The following KCTD1 variants were observed in gnomAD, a reference collection of about 807,000 sequenced individuals.
KCTD1 encodes potassium channel tetramerization domain containing 1.
A neutral mutation model predicts 66.0 loss-of-function variants in KCTD1; 24 were observed. The observed-to-expected ratio is 0.36, with a 90% CI of 0.26 to 0.51. KCTD1 has a LOEUF of 0.51. KCTD1 is among the 20% of genes least tolerant of loss of function. The pLI is 0.95. For missense variants in KCTD1, 943 were observed against 1,205.2 expected (o/e 0.78, Z 3.22); for synonymous variants, 511 against 517.2 (o/e 0.99, Z 0.16).
chr18:26,534,862 C>A (rs778381968), intron 1 of KCTD1, among the ~76,000 whole-genome samples: 7 of 152,120 alleles, frequency 4.6e-5, no homozygotes, highest in Non-Finnish European at 1.0e-4. Flanking sequence ...ACTTACTTCT[C>A]CTATACTTTT....
chr18:26,532,274 T>C (rs113623285), intron 1 of KCTD1, among the ~76,000 whole-genome samples: 51,516 of 138,896 alleles, frequency 0.37, 10,570 homozygotes, highest in East Asian at 0.58. Flanking sequence ...TTTTTTTTTT[T>C]TTTTTTTTTT....
chr18:26,539,192 T>A (rs1379606720), intron 1 of KCTD1, among the ~76,000 whole-genome samples: 1 of 152,244 alleles, frequency 6.6e-6, no homozygotes, highest in Non-Finnish European at 1.5e-5. Context: ...AATCCCAGCA[T>A]AGTTACTTAC....
chr18:26,642,042 T>A (rs750685547), upstream of KCTD1, among the ~76,000 whole-genome samples: 2 of 152,216 alleles, frequency 1.3e-5, no homozygotes, highest in African/African-American at 2.4e-5. Context: ...TAGATGTTGC[T>A]CTATTTAATC....
At chr18:26,631,368 T>C (rs1253105073), upstream of KCTD1, among the ~76,000 whole-genome samples, 1 of 152,238 alleles carries the variant, frequency 6.6e-6, no homozygotes, top group African/African-American at 2.4e-5. Context: ...GGCTATATGG[T>C]ATAGCCTATT....
intron 1 of KCTD1, among the ~76,000 whole-genome samples, chr18:26,572,788 T>C (rs899019701): frequency 6.6e-6 from 1 of 152,192 alleles, no homozygotes; most frequent in Non-Finnish European, 1.5e-5. Flanking sequence ...GGAGCTCCCA[T>C]GTTTGTAGAT....
chr18:26,534,299 TA>T (rs1193971537), intron 1 of KCTD1, among the ~76,000 whole-genome samples: 1 of 152,208 alleles, frequency 6.6e-6, no homozygotes, highest in East Asian at 1.9e-4. Flanking sequence ...TGTTTCATTT[TA>T]TTTTTATATT....
At chr18:26,480,673 C>T (rs974850474) in intron 2 of KCTD1, among the ~76,000 whole-genome samples, 2 of 152,024 alleles carry the variant, frequency 1.3e-5, no homozygotes, top group African/African-American at 2.4e-5. Flanking sequence ...GAGGTTGAGG[C>T]AGAGAACTGC....
At chr18:26,642,280 T>G (rs182805908), upstream of KCTD1, among the ~76,000 whole-genome samples, 22 of 152,312 alleles carry the variant, frequency 1.4e-4, no homozygotes, top group East Asian at 3.9e-3. Flanking sequence ...TTAGAGCGAG[T>G]GACCACTGCC....
chr18:26,652,681 C>T (rs916428173), intron 1 of KCTD1, among the ~76,000 whole-genome samples: 1 of 152,164 alleles, frequency 6.6e-6, no homozygotes, highest in Middle Eastern at 3.4e-3. Flanking sequence ...AAGAGCCGGC[C>T]GATGAGTGCC....
At position 26,529,090 on chromosome 18, in the gene KCTD1, A is replaced by G. The variant is rs183031078; in HGVS notation, c.1809+17638T>C. Among the ~76,000 whole-genome samples the G allele has an allele frequency of 5.9e-3, 896 of 152,142 alleles. 15 individuals are homozygous for G. Among genetic ancestry groups the G allele is most frequent in the South Asian group, 0.013 (62 of 4,824 alleles). ...TCACACCATAAGCCCCTCAAGCCCA[A>G]TGCTTCTAAAGCAGACCCATCACAG... On this transcript the variant is annotated intron_variant, in intron 1 of 4. Transcript: ENST00000580059.
intron 2 of KCTD1, among the ~76,000 whole-genome samples, chr18:26,493,003 C>A (rs1204539081): frequency 6.6e-6 from 1 of 152,160 alleles, no homozygotes. Flanking sequence ...CAATATTTTA[C>A]CCAATCATTA....
intron 1 of KCTD1, among the ~76,000 whole-genome samples, chr18:26,613,975 G>C (rs1987192623): frequency 6.6e-6 from 1 of 152,132 alleles, no homozygotes; most frequent in Non-Finnish European, 1.5e-5. Context: ...CTACTTAACA[G>C]AGCGTTGCAG....
chr18:26,527,504 G>A (rs1205430734), intron 1 of KCTD1, among the ~76,000 whole-genome samples: 15 of 146,346 alleles, frequency 1.0e-4, no homozygotes, highest in African/African-American at 3.6e-4. Flanking sequence ...GGGGGGGGGC[G>A]TGGGAGGGAT....
chr18:26,528,785 C>T (rs1052112486), intron 1 of KCTD1, among the ~76,000 whole-genome samples: 9 of 152,152 alleles, frequency 5.9e-5, no homozygotes, highest in South Asian at 2.1e-4. Flanking sequence ...ACAAAATGGA[C>T]GACTCCCTTT....
intron 1 of KCTD1, among the ~76,000 whole-genome samples, chr18:26,612,930 A>G (rs77937042): frequency 0.014 from 2,099 of 152,188 alleles, 24 homozygotes; most frequent in Middle Eastern, 0.024. Flanking sequence ...GGTCCTTGTT[A>G]TTATTGTTTG....
upstream of KCTD1, among the ~76,000 whole-genome samples, chr18:26,553,153 C>A (rs1174496653): frequency 6.6e-6 from 1 of 151,914 alleles, no homozygotes; most frequent in East Asian, 1.9e-4. Context: ...ACCAAGCCTT[C>A]CTAATTTTTG....
chr18:26,594,711 A>C (rs547899223), intron 1 of KCTD1, among the ~76,000 whole-genome samples: 23 of 152,322 alleles, frequency 1.5e-4, no homozygotes, highest in African/African-American at 5.3e-4. Context: ...GCTGCTGAGA[A>C]GATATTTTGG....
chr18:26,520,492 T>G (rs1983859466), intron 1 of KCTD1, among the ~76,000 whole-genome samples: 1 of 150,902 alleles, frequency 6.6e-6, no homozygotes, highest in Non-Finnish European at 1.5e-5. Context: ...TTACTACCTC[T>G]TCAAGATTTA....
At chr18:26,600,525 A>G (rs1199195783) in intron 1 of KCTD1, among the ~76,000 whole-genome samples, 1 of 152,084 alleles carries the variant, frequency 6.6e-6, no homozygotes, top group African/African-American at 2.4e-5. Context: ...GCTGCTGTGT[A>G]TCAAAAGACC....
Sources: gnomAD v4.1 joint callset for allele counts (sites outside exome capture counted in the v4.1 genomes callset) on GRCh38, gnomAD v4.1.1 for gene constraint, MANE v1.5 for transcripts, NCBI Gene and HGNC (gene_info 2026-07-23, HGNC 2026-07-21) for gene names.